ATL3: variants seen among roughly 807,000 people sequenced by gnomAD.
ATL3 encodes atlastin GTPase 3, also known as atlastin-3.
In ATL3, 49 loss-of-function variants were observed where a neutral mutation model predicts 69.5. The observed-to-expected ratio is 0.71, with a 90% confidence interval of 0.56 to 0.89. The LOEUF (loss-of-function observed/expected upper bound fraction) is 0.89. Ranked by LOEUF, ATL3 falls within the 40% of genes least tolerant of loss-of-function variation. The probability of loss-of-function intolerance (pLI) is 0.00; values close to 1 mark genes in which losing one functional copy is unlikely to be tolerated. For missense variants in ATL3, 606 were observed against 645.7 expected (o/e 0.94, Z 0.67); for synonymous variants, 214 against 224.1 (o/e 0.95, Z 0.40).
intron 1 of ATL3, among the ~76,000 whole-genome samples, chr11:63,665,475 C>T (rs555296785): frequency 2.6e-4 from 40 of 152,140 alleles, no homozygotes; most frequent in African/African-American, 8.7e-4. Context: ...CCCTGTAGCA[C>T]GGTACCCAAG....
At chr11:63,646,900 A>C (rs781338101) in intron 5 of ATL3, among the ~76,000 whole-genome samples, 2 of 152,192 alleles carry the variant, frequency 1.3e-5, no homozygotes, top group Non-Finnish European at 2.9e-5. Flanking sequence ...TAGATCATAT[A>C]ATGGCTTTGC....
chr11:63,644,315 A>G, intron 6 of ATL3, 54 bp from the exon 7 acceptor site: 1 of 1,079,710 alleles, frequency 9.3e-7, no homozygotes, highest in Non-Finnish European at 1.4e-6. Flanking sequence ...CATTTTCAAG[A>G]GAACAACTGC....
At chr11:63,670,964 G>A (rs1017494310) in intron 1 of ATL3, among the ~76,000 whole-genome samples, 3 of 152,032 alleles carry the variant, frequency 2.0e-5, no homozygotes, top group Non-Finnish European at 2.9e-5. Flanking sequence ...CCGCCCACGG[G>A]GACCACCGGC....
At chr11:63,632,307 C>T (rs981712725) in intron 11 of ATL3, 13 of 781,006 alleles carry the variant, frequency 1.7e-5, no homozygotes, top group Admixed American at 5.1e-5. Context: ...CTTCTGAATA[C>T]GTTGGTGGTG....
intron 5 of ATL3, among the ~76,000 whole-genome samples, chr11:63,648,135 A>C (rs1310306318): frequency 6.6e-6 from 1 of 152,174 alleles, no homozygotes; most frequent in Non-Finnish European, 1.5e-5. Flanking sequence ...AAATCCAAAA[A>C]AAAATCTAGA....
intron 1 of ATL3, 21 bp downstream of exon 1, chr11:63,671,269 C>G (rs763013772): frequency 6.3e-7 from 1 of 1,575,296 alleles, no homozygotes. Context: ...CGGGGCGATC[C>G]AGGGAAAATC....
chr11:63,667,957 G>A (rs1251457948), intron 1 of ATL3, among the ~76,000 whole-genome samples: 2 of 151,780 alleles, frequency 1.3e-5, no homozygotes, highest in African/African-American at 4.8e-5. Context: ...CCCAAAAAAC[G>A]TCTCCAGTCA....
chr11:63,648,899 T>C (rs1939979321), intron 5 of ATL3, among the ~76,000 whole-genome samples: 1 of 151,770 alleles, frequency 6.6e-6, no homozygotes, highest in Non-Finnish European at 1.5e-5. Flanking sequence ...AGGCAGATCA[T>C]TTCAGGTTAG....
intron 1 of ATL3, among the ~76,000 whole-genome samples, chr11:63,660,519 A>G (rs1940388483): frequency 6.6e-6 from 1 of 152,212 alleles, no homozygotes; most frequent in Non-Finnish European, 1.5e-5. Context: ...GGCTGTATCT[A>G]CAAAAATTAA....
At chr11:63,664,963 A>G (rs1940531782) in intron 1 of ATL3, among the ~76,000 whole-genome samples, 1 of 152,220 alleles carries the variant, frequency 6.6e-6, no homozygotes, top group South Asian at 2.1e-4. Context: ...GAAGGCTACA[A>G]CCCAAAGGAT....
At chr11:63,659,845 G>A (rs991552409) in intron 1 of ATL3, among the ~76,000 whole-genome samples, 5 of 151,980 alleles carry the variant, frequency 3.3e-5, no homozygotes, top group South Asian at 2.1e-4. Flanking sequence ...GCTGAGGCAC[G>A]AGAATAACTT....
chr11:63,644,256 C>T lies in ATL3; in HGVS notation c.624G>A (p.Leu208=). Residue 208 remains leucine, a synonymous_variant, in exon 7 of 13, where the codon CTG becomes CTA. Transcript: ENST00000398868. ...AACTCCAATCTCTAACCAAAAACAT[C>T]AGTGTCTATTTAAGAAAAGAGCGGA... is the stretch of plus-strand genomic sequence containing the variant. ...DEIFQKPFQT[L]MFLVRDWSFP... 1 of 1,594,216 alleles carries T rather than the reference C, an allele frequency of 6.3e-7. No individual in the cohort carries two copies.
Position 63,625,858 on chromosome 11 carries a change from T to G in ATL3, c.*3461A>C, listed in dbSNP as rs1438961026. 2 of 152,170 alleles carry G rather than the reference T, an allele frequency of 1.3e-5. No homozygotes were observed. Among genetic ancestry groups the G allele is most frequent in the Non-Finnish European group, 2.9e-5 (2 of 68,104 alleles). 9.4% of individuals were successfully genotyped at this position (152,170 alleles called of 1,614,324 possible). A position where few individuals can be genotyped will look rare whatever the true frequency, so the allele number is the denominator to read the frequency against. ...TAAGCCGGGTGTGGTGGCACATGCCTGTAATCCCTGCTACTTGGGAGGCTG... is the reference window on the plus strand; with the variant it reads ...TAAGCCGGGTGTGGTGGCACATGCCGGTAATCCCTGCTACTTGGGAGGCTG... On this transcript the variant is annotated 3_prime_UTR_variant, in exon 13 of 13. Coordinates refer to ENST00000398868, the MANE Select transcript of ATL3 (RefSeq NM_015459.5).
chr11:63,657,430 C>A (rs531347735), intron 3 of ATL3, among the ~76,000 whole-genome samples: 7 of 152,214 alleles, frequency 4.6e-5, no homozygotes, highest in African/African-American at 1.7e-4. Flanking sequence ...AGTGAATGCC[C>A]ACCTTCTGAA....
chr11:63,671,171 G>T, intron 1 of ATL3, 119 bp downstream of exon 1: 1 of 1,408,896 alleles, frequency 7.1e-7, no homozygotes, highest in African/African-American at 1.5e-5. Flanking sequence ...CGAGGGACGC[G>T]CGGTCCCAGC....
rs2134461651 is a variant in ATL3 at position 63,631,143 on chromosome 11, A to T, written c.1436T>A (p.Leu479Gln). 1 of 1,614,226 alleles carries T rather than the reference A, an allele frequency of 6.2e-7. No individual in the cohort carries two copies. Among genetic ancestry groups the T allele is most frequent in the African/African-American group, 1.3e-5 (1 of 75,056 alleles). ...CCAGGTGAGGAGTGCTATTAACAGT[A>T]GTCCAACCATACAGTTGAACAACTG... is the stretch of plus-strand genomic sequence containing the variant. ...VAQLFNCMVG[L>Q]LLIALLTWGY... The change falls in exon 12 of 13, where the codon CTA becomes CAA. Residue 479 changes from leucine (L) to glutamine (Q), a missense_variant. Coordinates refer to ENST00000398868, the MANE Select transcript of ATL3 (RefSeq NM_015459.5).
chr11:63,667,751 G>A (rs1279506390), intron 1 of ATL3, among the ~76,000 whole-genome samples: 3 of 146,914 alleles, frequency 2.0e-5, no homozygotes, highest in Non-Finnish European at 4.5e-5. Flanking sequence ...GTGACAGAGC[G>A]AGACTCTGTA....
intron 3 of ATL3, among the ~76,000 whole-genome samples, chr11:63,653,134 C>T (rs1475283426): frequency 6.6e-6 from 1 of 151,938 alleles, no homozygotes; most frequent in African/African-American, 2.4e-5. Flanking sequence ...AGTTCCAGAC[C>T]AGCCTGGCCA....
chr11:63,645,257 A>T (rs1201768856), intron 6 of ATL3, among the ~76,000 whole-genome samples: 1 of 151,614 alleles, frequency 6.6e-6, no homozygotes, highest in Non-Finnish European at 1.5e-5. Context: ...AATACAAAAA[A>T]TTAGCCGGGC....
Sources: allele counts gnomAD v4.1 joint callset (sites outside exome capture counted in the v4.1 genomes callset), GRCh38; gene constraint gnomAD v4.1.1; transcripts MANE v1.5; gene names NCBI Gene and HGNC (gene_info 2026-07-23, HGNC 2026-07-21).